Variants in SLC14A2 observed in about 807,000 individuals in gnomAD.
SLC14A2 encodes urea transporter 2.
A neutral mutation model predicts 104.6 loss-of-function variants in SLC14A2; 91 were observed. The observed-to-expected ratio is 0.87, with a 90% confidence interval of 0.73 to 1.04. The LOEUF is 1.04. Among genes scored for constraint, SLC14A2 ranks in the 50% least tolerant of loss-of-function variants. The pLI is 0.00. For missense variants in SLC14A2, 1,189 were observed against 1,156.0 expected, an observed-to-expected ratio of 1.03 and a Z score of -0.41; for synonymous variants, 476 against 466.4, an observed-to-expected ratio of 1.02 and a Z score of -0.27.
intron 2 of SLC14A2, among the ~76,000 whole-genome samples, chr18:45,523,079 C>T (rs1335942615): frequency 6.6e-6 from 1 of 152,146 alleles, no homozygotes; most frequent in African/African-American, 2.4e-5. Context: ...GCACTGGTCA[C>T]TGGTGGGGTG....
chr18:45,483,101 ATTTTTTTCT>A, intron 1 of SLC14A2: 1 of 151,916 alleles, frequency 6.6e-6, no homozygotes, highest in Non-Finnish European at 1.5e-5. Context: ...CTGTTTCCTT[ATTTTTTTCT>A]TTTTTTTCTG....
intron 2 of SLC14A2, among the ~76,000 whole-genome samples, chr18:45,593,470 T>C (rs2144393713): frequency 6.8e-6 from 1 of 147,040 alleles, no homozygotes; most frequent in African/African-American, 2.5e-5. Context: ...ATATGATAAC[T>C]AAGCATTTCC....
intron 1 of SLC14A2, among the ~76,000 whole-genome samples, chr18:45,449,828 CT>C (rs957181632): frequency 6.6e-6 from 1 of 152,150 alleles, no homozygotes; most frequent in African/African-American, 2.4e-5. Context: ...ACTGAATTGT[CT>C]TTGGGCCTTT....
At chr18:45,254,100 C>A (rs1437891451) in intron 1 of SLC14A2, among the ~76,000 whole-genome samples, 1 of 152,158 alleles carries the variant, frequency 6.6e-6, no homozygotes, top group Non-Finnish European at 1.5e-5. Flanking sequence ...GGGACGATCC[C>A]TGTGCCGATC....
intron 4 of SLC14A2, among the ~76,000 whole-genome samples, chr18:45,631,609 C>G (rs1870241441): frequency 6.6e-6 from 1 of 152,202 alleles, no homozygotes; most frequent in South Asian, 2.1e-4. Context: ...TACACAGATT[C>G]CAGCTACAGA....
At chr18:45,411,595 C>A (rs1204242022) in intron 1 of SLC14A2, among the ~76,000 whole-genome samples, 1 of 152,170 alleles carries the variant, frequency 6.6e-6, no homozygotes, top group Non-Finnish European at 1.5e-5. Flanking sequence ...TCAACATTCA[C>A]CCAAAACATA....
chr18:45,287,697 T>C (rs1184871416), intron 1 of SLC14A2, among the ~76,000 whole-genome samples: 1 of 152,190 alleles, frequency 6.6e-6, no homozygotes, highest in Non-Finnish European at 1.5e-5. Flanking sequence ...TGTTGTGAAC[T>C]TCCACCTTCT....
At chr18:45,540,513 C>T (rs1401739740) in intron 2 of SLC14A2, among the ~76,000 whole-genome samples, 1 of 152,092 alleles carries the variant, frequency 6.6e-6, no homozygotes, top group African/African-American at 2.4e-5. Context: ...GAGGCCAAGA[C>T]GGGCAGATTA....
intron 11 of SLC14A2, 112 bp downstream of exon 11, chr18:45,664,019 G>A: frequency 1.7e-6 from 2 of 1,152,904 alleles, no homozygotes; most frequent in Non-Finnish European, 2.4e-6. Context: ...GCTGGAGTCA[G>A]ACTTGACCTC....
intron 1 of SLC14A2, among the ~76,000 whole-genome samples, chr18:45,409,564 G>T (rs79089909): frequency 6.6e-6 from 1 of 152,086 alleles, no homozygotes; most frequent in African/African-American, 2.4e-5. Flanking sequence ...ACAGAAAACC[G>T]TAAAGTTTCA....
intron 1 of SLC14A2, among the ~76,000 whole-genome samples, chr18:45,222,996 G>A (rs1213895531): frequency 1.3e-5 from 2 of 152,218 alleles, no homozygotes; most frequent in Non-Finnish European, 2.9e-5. Flanking sequence ...CAAGGAGGGT[G>A]TGAGGGCTGC....
intron 2 of SLC14A2, among the ~76,000 whole-genome samples, chr18:45,543,733 T>C (rs12232649): frequency 0.17 from 25,925 of 152,262 alleles, 2,439 homozygotes; most frequent in Non-Finnish European, 0.21. Flanking sequence ...ATGGCAGATA[T>C]GAGACTGCTA....
chr18:45,405,897 G>GGA (rs1491567742), intron 1 of SLC14A2, among the ~76,000 whole-genome samples: 1 of 129,260 alleles, frequency 7.7e-6, no homozygotes, highest in East Asian at 2.4e-4. Context: ...ACTCCATCTC[G>GGA]AAAAAAAAAA....
chr18:45,189,808 T>A, the SLC14A2 span, among the ~76,000 whole-genome samples: 1 of 152,094 alleles, frequency 6.6e-6, no homozygotes, highest in East Asian at 1.9e-4. Context: ...TGATAATGGA[T>A]GCAAAATCAC....
At chr18:45,360,882 G>T (rs2085603253) in intron 1 of SLC14A2, among the ~76,000 whole-genome samples, 1 of 152,174 alleles carries the variant, frequency 6.6e-6, no homozygotes, top group African/African-American at 2.4e-5. Context: ...TACATTGAAA[G>T]TTTATCTGAA....
intron 2 of SLC14A2, among the ~76,000 whole-genome samples, chr18:45,530,079 A>G (rs965505156): frequency 6.6e-6 from 1 of 152,196 alleles, no homozygotes; most frequent in African/African-American, 2.4e-5. Flanking sequence ...TATGGTATAC[A>G]AGTGAATTTC....
intron 18 of SLC14A2, 46 bp from the exon 19 acceptor site, chr18:45,678,929 T>C: frequency 2.6e-6 from 4 of 1,531,750 alleles, no homozygotes; most frequent in Non-Finnish European, 3.6e-6. Context: ...GAGGTGCTAT[T>C]AAATAGTTAC....
chr18:45,280,484 C>T (rs1337495250), intron 1 of SLC14A2, among the ~76,000 whole-genome samples: 2 of 152,168 alleles, frequency 1.3e-5, no homozygotes, highest in African/African-American at 4.8e-5. Context: ...CACCACCATA[C>T]TGGGGTCTCC....
At chr18:45,226,968 C>A (rs2084125222) in intron 1 of SLC14A2, among the ~76,000 whole-genome samples, 2 of 152,108 alleles carry the variant, frequency 1.3e-5, no homozygotes, top group Non-Finnish European at 2.9e-5. Context: ...TTCTTGTGCC[C>A]TTTTGCTCAT....
Sources: allele counts gnomAD v4.1 joint callset (sites outside exome capture counted in the v4.1 genomes callset), GRCh38; gene constraint gnomAD v4.1.1; transcripts MANE v1.5; gene names NCBI Gene and HGNC (gene_info 2026-07-23, HGNC 2026-07-21).